Variants in RBFOX1 observed in about 807,000 individuals in gnomAD.
The protein encoded by RBFOX1 is RNA binding protein fox-1 homolog 1.
A neutral mutation model predicts 57.7 loss-of-function variants in RBFOX1; 8 were observed. The ratio of observed to expected loss-of-function variants is 0.14; its 90% CI spans 0.08 to 0.25. The LOEUF is 0.25. RBFOX1 is among the 10% of genes least tolerant of loss of function. The pLI is 1.00. For synonymous variants in RBFOX1, 326 were observed against 222.4 expected (o/e 1.47, Z -4.15); for missense variants, 611 against 548.5 (o/e 1.11, Z -1.14).
intron 3 of RBFOX1, among the ~76,000 whole-genome samples, chr16:6,813,761 C>T (rs1287747353): frequency 6.6e-6 from 1 of 152,200 alleles, no homozygotes; most frequent in Non-Finnish European, 1.5e-5. Flanking sequence ...CCTGGGCATG[C>T]CAATGGCAGC....
intron 2 of RBFOX1, among the ~76,000 whole-genome samples, chr16:6,420,149 C>G (rs1247264778): frequency 2.6e-5 from 4 of 152,150 alleles, no homozygotes; most frequent in African/African-American, 9.7e-5. Context: ...GTTGTCTTGC[C>G]TGCTTCAACT....
chr16:6,832,617 C>T (rs2092788457), intron 3 of RBFOX1, among the ~76,000 whole-genome samples: 1 of 152,190 alleles, frequency 6.6e-6, no homozygotes, highest in South Asian at 2.1e-4. Context: ...AAGTTATTTA[C>T]CTTTTTGTTG....
chr16:7,014,753 C>G (rs1004986015), intron 3 of RBFOX1, among the ~76,000 whole-genome samples: 1 of 152,038 alleles, frequency 6.6e-6, no homozygotes, highest in African/African-American at 2.4e-5. Context: ...GAGATGGAGT[C>G]TCGCTCTGTC....
rs1047083416 is a variant in RBFOX1, at chr16:5,469,603, T to C, written c.258+2349T>C. Among the ~76,000 whole-genome samples, 6 of 152,276 alleles carry C rather than the reference T, an allele frequency of 3.9e-5. No homozygotes were observed. The East Asian group carries it at 1.2e-3, about 29-fold the overall frequency. ...AATGCGGTGCCACCATACCTTCATG[T>C]AGTTCCAAAGCATTTTTGTCACCCC... On this transcript the variant is annotated intron_variant, in intron 2 of 2. Coordinates refer to the RBFOX1 transcript ENST00000585867.
intron 3 of RBFOX1, among the ~76,000 whole-genome samples, chr16:6,911,562 A>T (rs562980723): frequency 1.3e-5 from 2 of 152,144 alleles, no homozygotes; most frequent in Non-Finnish European, 2.9e-5. Context: ...ATATTGAACT[A>T]TGACCCATAA....
chr16:5,302,828 A>G (rs548756210), intron 1 of RBFOX1, among the ~76,000 whole-genome samples: 1 of 152,282 alleles, frequency 6.6e-6, no homozygotes, highest in Non-Finnish European at 1.5e-5. Context: ...TTGTGTATTT[A>G]AACTGTGTTT....
intron 4 of RBFOX1, among the ~76,000 whole-genome samples, chr16:7,216,976 A>C (rs1391264371): frequency 7.3e-6 from 1 of 136,162 alleles, no homozygotes; most frequent in African/African-American, 2.7e-5. Flanking sequence ...GGAAAAGTAC[A>C]GCAGGATTTT....
chr16:6,957,331 C>G lies in RBFOX1; in HGVS notation c.-15-94726C>G, dbSNP rs374623249. Among the ~76,000 whole-genome samples, 20 of 152,032 alleles carry G rather than the reference C, an allele frequency of 1.3e-4. 1 individual carries two copies. In the South Asian group the frequency reaches 3.7e-3, roughly 28 times the overall value. On this transcript the variant is annotated intron_variant, in intron 3 of 15. Coordinates refer to ENST00000550418, the MANE Select transcript of RBFOX1 (RefSeq NM_018723.4). ...TATTTTTAGTACAGACGGGGTTTCA[C>G]CATGTTAGCCAGGATGGTCTCGATC...
chr16:5,362,424 G>A (rs921588381), intron 1 of RBFOX1, among the ~76,000 whole-genome samples: 2 of 151,912 alleles, frequency 1.3e-5, no homozygotes, highest in Non-Finnish European at 2.9e-5. Flanking sequence ...GTGCAACGGC[G>A]CGATCTCAGC....
At chr16:6,962,745 C>T (rs905713314) in intron 3 of RBFOX1, among the ~76,000 whole-genome samples, 8 of 152,192 alleles carry the variant, frequency 5.3e-5, no homozygotes, top group African/African-American at 1.4e-4. Context: ...GTGTGTGTAG[C>T]CCCAGCTACC....
chr16:6,648,853 A>G (rs1229660289), intron 2 of RBFOX1, among the ~76,000 whole-genome samples: 1 of 152,180 alleles, frequency 6.6e-6, no homozygotes, highest in Non-Finnish European at 1.5e-5. Context: ...GACAAAAGTT[A>G]TATATATTTA....
chr16:6,095,934 C>A (rs2096240748), intron 1 of RBFOX1, among the ~76,000 whole-genome samples: 1 of 152,202 alleles, frequency 6.6e-6, no homozygotes, highest in Non-Finnish European at 1.5e-5. Context: ...CATCAGTCTT[C>A]TCCCTTTGGA....
intron 3 of RBFOX1, among the ~76,000 whole-genome samples, chr16:5,771,720 A>G (rs899230049): frequency 3.9e-5 from 6 of 152,092 alleles, no homozygotes; most frequent in Non-Finnish European, 4.4e-5. Context: ...AAAGCATCTC[A>G]TTTTGGTATC....
chr16:5,623,114 C>T (rs1400502268), intron 3 of RBFOX1, among the ~76,000 whole-genome samples: 2 of 152,136 alleles, frequency 1.3e-5, no homozygotes, highest in African/African-American at 2.4e-5. Context: ...GCTGTCTGGC[C>T]ATTTCAGAGA....
At chr16:6,333,923 G>C (rs2083331020) in intron 2 of RBFOX1, among the ~76,000 whole-genome samples, 1 of 152,070 alleles carries the variant, frequency 6.6e-6, no homozygotes, top group South Asian at 2.1e-4. Context: ...TCATAGAAGG[G>C]CATAACTATT....
chr16:7,211,158 G>A (rs1014400804), intron 4 of RBFOX1, among the ~76,000 whole-genome samples: 3 of 151,408 alleles, frequency 2.0e-5, no homozygotes, highest in Non-Finnish European at 4.4e-5. Context: ...TTGGGAGGCC[G>A]AGGTGGGGGG....
chr16:5,644,245 A>G (rs534908217), intron 3 of RBFOX1, among the ~76,000 whole-genome samples: 2 of 152,220 alleles, frequency 1.3e-5, no homozygotes, highest in African/African-American at 2.4e-5. Flanking sequence ...CTCTAATTAA[A>G]TAGGTTAAGG....
intron 4 of RBFOX1, among the ~76,000 whole-genome samples, chr16:7,076,462 A>G (rs555870749): frequency 6.6e-6 from 1 of 152,280 alleles, no homozygotes; most frequent in South Asian, 2.1e-4. Flanking sequence ...AATAGGATAT[A>G]CCAGATTTCT....
At chr16:6,011,296 C>G (rs2094959751) in intron 4 of RBFOX1, among the ~76,000 whole-genome samples, 1 of 152,018 alleles carries the variant, frequency 6.6e-6, no homozygotes, top group Non-Finnish European at 1.5e-5. Context: ...TCATGGTTGA[C>G]TTTAGATGGA....
Sources: allele counts gnomAD v4.1 joint callset (sites outside exome capture counted in the v4.1 genomes callset), GRCh38; gene constraint gnomAD v4.1.1; transcripts MANE v1.5; gene names NCBI Gene and HGNC (gene_info 2026-07-23, HGNC 2026-07-21).